The following PHACTR3 variants were observed in gnomAD, a reference collection of about 807,000 sequenced individuals.
PHACTR3 encodes the protein phosphatase and actin regulator 3, also known as protein phosphatase 1, regulatory subunit 123.
PHACTR3 carries 16 observed loss-of-function variants against 66.8 expected under a neutral mutation model. The observed-to-expected ratio is 0.24, with a 90% confidence interval of 0.16 to 0.36. The LOEUF (loss-of-function observed/expected upper bound fraction) is 0.36, where lower values mean the gene tolerates loss of function less well. Ranked by LOEUF, PHACTR3 falls within the 10% of genes least tolerant of loss-of-function variation. The pLI is 1.00. For missense variants in PHACTR3, 647 were observed against 719.9 expected, an observed-to-expected ratio of 0.90 and a Z score of 1.16; for synonymous variants, 323 against 292.1, an observed-to-expected ratio of 1.11 and a Z score of -1.08.
At chr20:59,695,961 G>C (rs1312456611) in intron 1 of PHACTR3, among the ~76,000 whole-genome samples, 2 of 152,044 alleles carry the variant, frequency 1.3e-5, no homozygotes, top group Non-Finnish European at 2.9e-5. Flanking sequence ...TCAAACTCCT[G>C]ACCTCAAGTG....
intron 9 of PHACTR3, among the ~76,000 whole-genome samples, chr20:59,839,628 A>ATATC (rs1288622910): frequency 6.6e-6 from 1 of 152,176 alleles, no homozygotes; most frequent in African/African-American, 2.4e-5. Context: ...GTTTTATACT[A>ATATC]TATCTCAGCA....
rs571035053 is a variant in PHACTR3, at chr20:59,609,794, A to T, written c.118+4662A>T. Among the ~76,000 whole-genome samples the T allele has an allele frequency of 2.2e-4, 33 of 152,318 alleles. No individual in the cohort carries two copies. In the East Asian group the frequency reaches 6.4e-3, roughly 29 times the overall value. ...CTCTGGCTCCTTGTAGAGTGTCTAC[A>T]TGGCTTAATTAGTAGTAGAACTATG... On this transcript the variant is annotated intron_variant, in intron 1 of 12. Coordinates refer to ENST00000371015, the MANE Select transcript of PHACTR3 (RefSeq NM_080672.5).
chr20:59,613,431 C>T (rs1388923968), intron 1 of PHACTR3, among the ~76,000 whole-genome samples: 1 of 152,190 alleles, frequency 6.6e-6, no homozygotes, highest in Non-Finnish European at 1.5e-5. Flanking sequence ...TTTGACATTG[C>T]CTTCTTGGGA....
intron 1 of PHACTR3, among the ~76,000 whole-genome samples, chr20:59,632,060 G>T (rs2034685090): frequency 6.6e-6 from 1 of 152,218 alleles, no homozygotes; most frequent in Non-Finnish European, 1.5e-5. Flanking sequence ...TACGGGACGT[G>T]TGGGGACTGT....
chr20:59,743,537 TG>T (rs1233555852), intron 2 of PHACTR3, among the ~76,000 whole-genome samples: 3 of 152,190 alleles, frequency 2.0e-5, no homozygotes, highest in Middle Eastern at 6.3e-3. Flanking sequence ...ACAAGTCCAC[TG>T]GGACCTTGTT....
chr20:59,618,377 G>A (rs960294055), intron 1 of PHACTR3, among the ~76,000 whole-genome samples: 3 of 152,118 alleles, frequency 2.0e-5, no homozygotes, highest in Non-Finnish European at 4.4e-5. Flanking sequence ...CAGTGTGATC[G>A]GGCACATTTC....
intron 11 of PHACTR3, among the ~76,000 whole-genome samples, chr20:59,842,379 G>A (rs2059079852): frequency 6.6e-6 from 1 of 152,152 alleles, no homozygotes; most frequent in Middle Eastern, 3.2e-3. Flanking sequence ...CACAGATATT[G>A]CATCAACTTG....
intron 1 of PHACTR3, among the ~76,000 whole-genome samples, chr20:59,645,783 T>C (rs2035263411): frequency 6.6e-6 from 1 of 152,206 alleles, no homozygotes; most frequent in East Asian, 1.9e-4. Flanking sequence ...TTTCATGTCG[T>C]GACGCTGGAA....
chr20:59,782,790 G>A (rs1381837070), intron 7 of PHACTR3, among the ~76,000 whole-genome samples: 1 of 152,168 alleles, frequency 6.6e-6, no homozygotes, highest in African/African-American at 2.4e-5. Context: ...TACAATTCAA[G>A]ATGAGATTTG....
At chr20:59,640,340 G>C (rs527533881) in intron 1 of PHACTR3, among the ~76,000 whole-genome samples, 1 of 152,318 alleles carries the variant, frequency 6.6e-6, no homozygotes, top group East Asian at 1.9e-4. Context: ...AGAAGGGTTG[G>C]AGGACAAGGT....
intron 4 of PHACTR3, among the ~76,000 whole-genome samples, chr20:59,761,152 G>C (rs1358775415): frequency 6.6e-6 from 1 of 152,166 alleles, no homozygotes; most frequent in African/African-American, 2.4e-5. Flanking sequence ...TACTGCCCAT[G>C]TCTGTGTCTG....
At chr20:59,660,478 C>T (rs1009860120) in intron 1 of PHACTR3, among the ~76,000 whole-genome samples, 2 of 152,136 alleles carry the variant, frequency 1.3e-5, no homozygotes, top group African/African-American at 4.8e-5. Flanking sequence ...TGGGGGACAG[C>T]GAGACTCCGT....
intron 3 of PHACTR3, among the ~76,000 whole-genome samples, chr20:59,754,565 C>T (rs964017956): frequency 1.3e-5 from 2 of 152,240 alleles, no homozygotes. Flanking sequence ...TGTTTAATGC[C>T]TGGCTGAGGG....
intron 7 of PHACTR3, among the ~76,000 whole-genome samples, chr20:59,789,632 T>C (rs905077472): frequency 5.3e-5 from 8 of 152,236 alleles, no homozygotes; most frequent in African/African-American, 1.7e-4. Flanking sequence ...TGGAGAATCT[T>C]AGCAGAGAAA....
intron 1 of PHACTR3, among the ~76,000 whole-genome samples, chr20:59,650,740 C>CAAAAAAA (rs34879994): frequency 1.6e-5 from 1 of 61,484 alleles, no homozygotes. Flanking sequence ...GCGTTGATAG[C>CAAAAAAA]AAAAAAAAAA....
At chr20:59,649,439 T>C (rs1187613437) in intron 1 of PHACTR3, among the ~76,000 whole-genome samples, 1 of 152,236 alleles carries the variant, frequency 6.6e-6, no homozygotes, top group Admixed American at 6.5e-5. Flanking sequence ...ATGTTTTCTT[T>C]CTTTAAATAT....
At chr20:59,812,579 G>A (rs2041768276) in intron 8 of PHACTR3, among the ~76,000 whole-genome samples, 1 of 152,228 alleles carries the variant, frequency 6.6e-6, no homozygotes, top group Non-Finnish European at 1.5e-5. Context: ...CGCAGAGGCT[G>A]TGGTTTGGGC....
At chr20:59,723,062 CTTTCTTTCT>C (rs1187650062) in intron 1 of PHACTR3, among the ~76,000 whole-genome samples, 12 of 45,150 alleles carry the variant, frequency 2.7e-4, no homozygotes, top group African/African-American at 1.0e-3. Context: ...CTTTCTTTCT[CTTTCTTTCT>C]TTCTTTCTTT....
intron 8 of PHACTR3, among the ~76,000 whole-genome samples, chr20:59,828,968 G>A (rs2042270180): frequency 6.6e-6 from 1 of 152,070 alleles, no homozygotes. Flanking sequence ...ACGGATGGAT[G>A]GATGCAAGCA....
Sources: allele counts gnomAD v4.1 joint callset (sites outside exome capture counted in the v4.1 genomes callset), GRCh38; gene constraint gnomAD v4.1.1; transcripts MANE v1.5; gene names NCBI Gene and HGNC (gene_info 2026-07-23, HGNC 2026-07-21).